The following CTNND2 variants were observed in gnomAD, a reference collection of about 807,000 sequenced individuals.
CTNND2 encodes catenin delta 2.
A neutral mutation model predicts 144.4 loss-of-function variants in CTNND2; 22 were observed. The observed-to-expected ratio is 0.15, with a 90% CI of 0.11 to 0.22. The LOEUF is 0.22. Ranked by LOEUF, CTNND2 falls within the 10% of genes least tolerant of loss-of-function variation. The pLI, the probability that CTNND2 is intolerant of heterozygous loss-of-function variation, is 1.00. For synonymous variants in CTNND2, 751 were observed against 695.6 expected, an observed-to-expected ratio of 1.08 and a Z score of -1.25; for missense variants, 1,353 against 1,618.8, an observed-to-expected ratio of 0.84 and a Z score of 2.82.
chr5:11,867,898 C>G (rs1795848195), intron 1 of CTNND2, among the ~76,000 whole-genome samples: 1 of 150,836 alleles, frequency 6.6e-6, no homozygotes, highest in Admixed American at 6.7e-5. Context: ...CGCTGGACAT[C>G]TAGAATGCCT....
intron 9 of CTNND2, among the ~76,000 whole-genome samples, chr5:11,309,080 T>C (rs764217194): frequency 4.6e-5 from 7 of 152,188 alleles, no homozygotes; most frequent in East Asian, 1.9e-4. Flanking sequence ...TCTTCCAACA[T>C]TGGGGATTCG....
At chr5:11,297,264 G>A (rs1749120764) in intron 9 of CTNND2, among the ~76,000 whole-genome samples, 1 of 152,196 alleles carries the variant, frequency 6.6e-6, no homozygotes, top group Non-Finnish European at 1.5e-5. Context: ...ACTAAAACTT[G>A]TAGAGTTTTG....
chr5:11,725,429 G>C (rs761369192), intron 2 of CTNND2, among the ~76,000 whole-genome samples: 1 of 152,186 alleles, frequency 6.6e-6, no homozygotes, highest in African/African-American at 2.4e-5. Flanking sequence ...TCAAATTAAT[G>C]TATAAATTTC....
At chr5:11,633,210 G>A (rs1781501170) in intron 2 of CTNND2, among the ~76,000 whole-genome samples, 1 of 152,146 alleles carries the variant, frequency 6.6e-6, no homozygotes, top group South Asian at 2.1e-4. Context: ...TTAACACGTT[G>A]AAAGTGAAAG....
chr5:11,341,894 C>T (rs1283188406), intron 9 of CTNND2, among the ~76,000 whole-genome samples: 1 of 152,144 alleles, frequency 6.6e-6, no homozygotes, highest in East Asian at 1.9e-4. Context: ...CCTGTAGTCC[C>T]ACCTACTTGG....
chr5:11,559,703 CCACCTGCTTCTCTGCAGCTTGCTGTTGT>C (rs1315818551), intron 3 of CTNND2, among the ~76,000 whole-genome samples: 5 of 152,284 alleles, frequency 3.3e-5, no homozygotes, highest in African/African-American at 1.2e-4. Context: ...ATCAGAACTG[CCACCTGCTTCTCTGCAGCTTGCTGTTGT>C]CACCATCTTT....
chr5:11,213,066 C>T (rs1457559788), intron 10 of CTNND2, among the ~76,000 whole-genome samples: 1 of 152,166 alleles, frequency 6.6e-6, no homozygotes, highest in Non-Finnish European at 1.5e-5. Context: ...ATTTTCCTGA[C>T]ACCTAGAAAT....
At chr5:11,412,196 A>C in intron 3 of CTNND2, 127 bp from the exon 4 acceptor site, 1 of 679,664 alleles carries the variant, frequency 1.5e-6, no homozygotes, top group Non-Finnish European at 2.6e-6. Context: ...TTCATTTCTT[A>C]CTATGAAAAG....
intron 9 of CTNND2, among the ~76,000 whole-genome samples, chr5:11,286,606 C>T (rs759958405): frequency 3.9e-5 from 6 of 152,292 alleles, no homozygotes; most frequent in South Asian, 2.1e-4. Flanking sequence ...ATGCTGAACA[C>T]GTGCTAAACT....
intron 2 of CTNND2, among the ~76,000 whole-genome samples, chr5:11,708,051 A>ATTT (rs11332164): frequency 1.4e-3 from 199 of 140,902 alleles, no homozygotes; most frequent in African/African-American, 4.2e-3. Flanking sequence ...TTTAAAGATG[A>ATTT]TTTTTTTTTT....
At chr5:11,288,932 C>T (rs141651205) in intron 9 of CTNND2, among the ~76,000 whole-genome samples, 179 of 152,094 alleles carry the variant, frequency 1.2e-3, no homozygotes, top group African/African-American at 4.1e-3. Context: ...GATGTTGTAA[C>T]TTCAAATGCT....
chr5:11,665,103 GAATA>G, intron 2 of CTNND2, among the ~76,000 whole-genome samples: 1 of 152,130 alleles, frequency 6.6e-6, no homozygotes. Flanking sequence ...GATTTCCTAT[GAATA>G]AATAAACTCA....
chr5:11,406,616 A>T (rs1255626283), intron 5 of CTNND2, among the ~76,000 whole-genome samples: 1 of 152,150 alleles, frequency 6.6e-6, no homozygotes, highest in Non-Finnish European at 1.5e-5. Context: ...AAATAACCTG[A>T]TCTCTCAAAC....
chr5:11,679,605 T>C (rs1295473873), intron 2 of CTNND2, among the ~76,000 whole-genome samples: 1 of 152,236 alleles, frequency 6.6e-6, no homozygotes, highest in Admixed American at 6.5e-5. Flanking sequence ...TACTGCTTCA[T>C]TGGCTGCAAT....
intron 3 of CTNND2, among the ~76,000 whole-genome samples, chr5:11,415,408 A>G (rs1279406620): frequency 1.3e-5 from 2 of 152,128 alleles, no homozygotes; most frequent in Admixed American, 6.6e-5. Context: ...ATTCCAGACT[A>G]GCCTGGGCAA....
intron 9 of CTNND2, among the ~76,000 whole-genome samples, chr5:11,304,422 T>TC (rs1434516829): frequency 1.3e-5 from 2 of 151,736 alleles, no homozygotes; most frequent in Non-Finnish European, 2.9e-5. Context: ...AAACTCTCTC[T>TC]CCCCCATGCA....
chr5:11,691,263 C>T (rs1784896249), intron 2 of CTNND2, among the ~76,000 whole-genome samples: 1 of 151,740 alleles, frequency 6.6e-6, no homozygotes, highest in African/African-American at 2.4e-5. Context: ...CCCAGTTACT[C>T]GGGAGGCTGA....
At chr5:11,046,499 A>G (rs1049312399) in intron 16 of CTNND2, among the ~76,000 whole-genome samples, 2 of 152,132 alleles carry the variant, frequency 1.3e-5, no homozygotes, top group African/African-American at 4.8e-5. Context: ...TGTTATAGGA[A>G]CCCTATTAAA....
At chr5:11,358,620 G>T (rs1756140244) in intron 8 of CTNND2, among the ~76,000 whole-genome samples, 2 of 152,100 alleles carry the variant, frequency 1.3e-5, no homozygotes, top group African/African-American at 4.8e-5. Flanking sequence ...AAATATTTTT[G>T]ATACTGGACT....
Sources: allele counts gnomAD v4.1 joint callset (sites outside exome capture counted in the v4.1 genomes callset), GRCh38; gene constraint gnomAD v4.1.1; transcripts MANE v1.5; gene names NCBI Gene and HGNC (gene_info 2026-07-23, HGNC 2026-07-21).